LOC400499: variants seen among roughly 807,000 people sequenced by gnomAD.
the LOC400499 span, among the ~76,000 whole-genome samples, chr16:11,487,638 T>G: frequency 6.6e-6 from 1 of 152,194 alleles, no homozygotes; most frequent in East Asian, 1.9e-4. Flanking sequence ...AACCCCAGGC[T>G]TCCCAGAATG....
At chr16:11,398,273 G>A in the LOC400499 span, 2 of 1,194,616 alleles carry the variant, frequency 1.7e-6, no homozygotes, top group Admixed American at 4.2e-5. Context: ...CATTCTGCGG[G>A]CACCACCCTC....
the LOC400499 span, chr16:11,461,979 T>C: frequency 1.3e-6 from 1 of 780,358 alleles, no homozygotes; most frequent in Non-Finnish European, 1.8e-6. Context: ...GGGGCTCACA[T>C]GGAGCTTGGA....
At chr16:11,453,493 T>A in the LOC400499 span, among the ~76,000 whole-genome samples, 1 of 152,074 alleles carries the variant, frequency 6.6e-6, no homozygotes, top group African/African-American at 2.4e-5. Context: ...TAACTTATAC[T>A]CTAAGAGAAG....
At chr16:11,523,485 A>C in the LOC400499 span, 1 of 398,580 alleles carries the variant, frequency 2.5e-6, no homozygotes, top group Admixed American at 4.4e-5. Flanking sequence ...TGAAATCGCA[A>C]ATCAGATGGA....
At chr16:11,383,816 C>T in the LOC400499 span, 5 of 1,232,338 alleles carry the variant, frequency 4.1e-6, no homozygotes, top group Non-Finnish European at 5.1e-6. Flanking sequence ...ACTGTCCACA[C>T]CCTGAGGAGG....
chr16:11,389,538 C>G, the LOC400499 span, among the ~76,000 whole-genome samples: 2 of 151,924 alleles, frequency 1.3e-5, no homozygotes, highest in East Asian at 3.9e-4. Context: ...AAAAAATTAG[C>G]TGGGTGGGAT....
At chr16:11,450,539 C>G in the LOC400499 span, 183 of 1,458,240 alleles carry the variant, frequency 1.3e-4, no homozygotes, top group Non-Finnish European at 1.6e-4. Context: ...AGCTTTCATC[C>G]GCCTCTGCAC....
At chr16:11,500,977 C>T in the LOC400499 span, 15,756 of 399,074 alleles carry the variant, frequency 0.039, 407 homozygotes, top group Non-Finnish European at 0.049. Flanking sequence ...TGCCTGAGAT[C>T]ATCAAGGCGA....
At chr16:11,470,735 G>T in the LOC400499 span, 1 of 152,380 alleles carries the variant, frequency 6.6e-6, no homozygotes, top group African/African-American at 2.4e-5. Flanking sequence ...TAAGACGGCA[G>T]CCGCCGGTGA....
chr16:11,460,963 C>A, the LOC400499 span: 1 of 1,532,258 alleles, frequency 6.5e-7, no homozygotes, highest in Non-Finnish European at 8.7e-7. Context: ...CAGTGCCTTA[C>A]CCAGGAGGCT....
the LOC400499 span, among the ~76,000 whole-genome samples, chr16:11,430,675 C>T: frequency 6.6e-5 from 10 of 152,118 alleles, no homozygotes; most frequent in Non-Finnish European, 1.2e-4. Context: ...ATTGTTCTTG[C>T]AACTTTTCTA....
chr16:11,514,433 G>A, the LOC400499 span: 8 of 399,052 alleles, frequency 2.0e-5, no homozygotes, highest in Non-Finnish European at 3.1e-5. Flanking sequence ...CACAGCGCTT[G>A]CCTTTGCAGG....
the LOC400499 span, chr16:11,446,860 A>G: frequency 6.5e-7 from 1 of 1,536,002 alleles, no homozygotes; most frequent in African/African-American, 1.4e-5. Context: ...ATCAGCTGTG[A>G]AGGTCTCCTG....
At chr16:11,381,963 G>A in the LOC400499 span, among the ~76,000 whole-genome samples, 1 of 145,228 alleles carries the variant, frequency 6.9e-6, no homozygotes, top group African/African-American at 2.5e-5. Context: ...TTTTTTTTGA[G>A]ACGGAGTCTT....
the LOC400499 span, among the ~76,000 whole-genome samples, chr16:11,409,130 G>T: frequency 1.7e-3 from 258 of 151,992 alleles, 1 homozygote; most frequent in African/African-American, 6.0e-3. Context: ...GCATGGTAGT[G>T]CATGCCTGTA....
the LOC400499 span, among the ~76,000 whole-genome samples, chr16:11,384,523 C>A: frequency 6.6e-6 from 1 of 152,214 alleles, no homozygotes; most frequent in African/African-American, 2.4e-5. Context: ...AGAGAAAGCA[C>A]AGGGGCTCAG....
the LOC400499 span, among the ~76,000 whole-genome samples, chr16:11,431,904 A>G: frequency 3.8e-3 from 586 of 152,294 alleles, 3 homozygotes; most frequent in African/African-American, 0.013. Context: ...AATGTGGCAG[A>G]AGTGACAATG....
At chr16:11,502,764 G>T in the LOC400499 span, among the ~76,000 whole-genome samples, 1 of 150,548 alleles carries the variant, frequency 6.6e-6, no homozygotes, top group East Asian at 2.0e-4. Flanking sequence ...ACAGGCACCT[G>T]TGACCACGTC....
the LOC400499 span, among the ~76,000 whole-genome samples, chr16:11,480,903 A>T: frequency 5.8e-4 from 88 of 152,326 alleles, no homozygotes; most frequent in African/African-American, 2.0e-3. Flanking sequence ...ACACAAAAAG[A>T]AGTACAGGAG....
Sources: gnomAD v4.1 joint callset for allele counts (sites outside exome capture counted in the v4.1 genomes callset) on GRCh38, gnomAD v4.1.1 for gene constraint, MANE v1.5 for transcripts.